The following SHANK2 variants were observed in gnomAD, a reference collection of about 807,000 sequenced individuals.
SHANK2 encodes SH3 and multiple ankyrin repeat domains protein 2.
SHANK2 carries 43 observed loss-of-function variants against 133.7 expected under a neutral mutation model. The ratio of observed to expected loss-of-function variants is 0.32; its 90% CI spans 0.25 to 0.41. The LOEUF (loss-of-function observed/expected upper bound fraction) is 0.41, where lower values mean the gene tolerates loss of function less well. SHANK2 is among the 10% of genes least tolerant of loss of function. The pLI is 1.00. For synonymous variants in SHANK2, 1,017 were observed against 952.8 expected, an observed-to-expected ratio of 1.07 and a Z score of -1.24; for missense variants, 1,994 against 2,235.8, an observed-to-expected ratio of 0.89 and a Z score of 2.18.
chr11:70,558,588 C>T (rs571198552), intron 17 of SHANK2, among the ~76,000 whole-genome samples: 4 of 152,346 alleles, frequency 2.6e-5, no homozygotes, highest in African/African-American at 9.6e-5. Flanking sequence ...GAGGCAAGAT[C>T]AGTGCTCCCC....
At chr11:70,884,250 G>A (rs1386089117) in intron 11 of SHANK2, among the ~76,000 whole-genome samples, 1 of 152,204 alleles carries the variant, frequency 6.6e-6, no homozygotes, top group South Asian at 2.1e-4. Flanking sequence ...CACGTGGTGG[G>A]CAGGGGCCAG....
chr11:70,674,617 G>A (rs1248396355), intron 15 of SHANK2, among the ~76,000 whole-genome samples: 1 of 152,236 alleles, frequency 6.6e-6, no homozygotes, highest in African/African-American at 2.4e-5. Flanking sequence ...CCAAAGTGTT[G>A]GGATTAGAGG....
chr11:70,590,230 A>C (rs534391100), intron 17 of SHANK2, among the ~76,000 whole-genome samples: 24 of 152,330 alleles, frequency 1.6e-4, no homozygotes, highest in African/African-American at 5.5e-4. Context: ...CAATCTCATG[A>C]GAAACTTGAA....
At chr11:71,249,281 T>C (rs894558785) in intron 1 of SHANK2, among the ~76,000 whole-genome samples, 11 of 152,176 alleles carry the variant, frequency 7.2e-5, no homozygotes, top group Admixed American at 1.3e-4. Context: ...TCCCCTCTCC[T>C]TCCCTTTCTT....
At chr11:71,187,623 C>T (rs181071663) in intron 2 of SHANK2, among the ~76,000 whole-genome samples, 149 of 152,194 alleles carry the variant, frequency 9.8e-4, no homozygotes, top group African/African-American at 3.4e-3. Flanking sequence ...GCCCAGGAAC[C>T]GTTCTTCATG....
chr11:70,899,717 T>A (rs1555076400), intron 10 of SHANK2, among the ~76,000 whole-genome samples: 1 of 152,246 alleles, frequency 6.6e-6, no homozygotes, highest in Non-Finnish European at 1.5e-5. Context: ...AGACATGTCC[T>A]TCTCCAGGTC....
chr11:70,947,353 ATTT>A (rs71049955), intron 10 of SHANK2, among the ~76,000 whole-genome samples: 1 of 133,092 alleles, frequency 7.5e-6, no homozygotes, highest in African/African-American at 2.8e-5. Context: ...TGACATCTAC[ATTT>A]TTTTTTTTTT....
chr11:70,886,713 ACAC>A (rs1949752011), intron 11 of SHANK2, among the ~76,000 whole-genome samples: 2 of 151,064 alleles, frequency 1.3e-5, no homozygotes, highest in Admixed American at 1.3e-4. Context: ...ACACACACAC[ACAC>A]ACACACCCCT....
At chr11:70,658,246 GACACAC>G (rs1315015158) in intron 17 of SHANK2, among the ~76,000 whole-genome samples, 2 of 121,992 alleles carry the variant, frequency 1.6e-5, no homozygotes, top group African/African-American at 3.1e-5. Context: ...CACACACACA[GACACAC>G]ACACACACAC....
At chr11:70,840,096 C>T (rs1438427507) in intron 11 of SHANK2, among the ~76,000 whole-genome samples, 2 of 152,228 alleles carry the variant, frequency 1.3e-5, no homozygotes, top group East Asian at 1.9e-4. Flanking sequence ...ATGGTGACGG[C>T]GTACAGTCTG....
chr11:70,828,882 G>A (rs1590734202), intron 11 of SHANK2, among the ~76,000 whole-genome samples: 1 of 152,234 alleles, frequency 6.6e-6, no homozygotes, highest in Non-Finnish European at 1.5e-5. Flanking sequence ...GTCACTGATC[G>A]ATTCCCTCCC....
chr11:70,550,390 C>T (rs998803285), intron 17 of SHANK2, among the ~76,000 whole-genome samples: 15 of 152,174 alleles, frequency 9.9e-5, no homozygotes, highest in African/African-American at 3.6e-4. Context: ...CTGCTGCATG[C>T]GTACCCCCAG....
At chr11:70,751,967 G>A (rs1946757426) in intron 14 of SHANK2, among the ~76,000 whole-genome samples, 1 of 152,122 alleles carries the variant, frequency 6.6e-6, no homozygotes, top group African/African-American at 2.4e-5. Context: ...AGAATAACGT[G>A]CAAAGGAAAC....
At chr11:70,492,762 T>C (rs1218716828) in intron 21 of SHANK2, among the ~76,000 whole-genome samples, 2 of 150,604 alleles carry the variant, frequency 1.3e-5, no homozygotes, top group African/African-American at 4.9e-5. Context: ...TTTTGGGACA[T>C]TTCTGTTTTT....
In SHANK2 at chr11:70,486,106, A is replaced by G; in HGVS notation, c.4187T>C (p.Leu1396Pro). 6.2e-7 allele frequency: 1 copy of G among 1,614,044 alleles called. No homozygotes were observed. Among genetic ancestry groups the G allele is most frequent in the Non-Finnish European group, 8.5e-7 (1 of 1,180,012 alleles). ...ILPFRIPPPP[L>P]ASVDLDEDFI... Reference sequence around the variant, plus strand: ...ATCCTCATCCAAGTCCACGGATGCCAGAGGGGGAGGAGGGATGCGGAATGG... The same window carrying G: ...ATCCTCATCCAAGTCCACGGATGCCGGAGGGGGAGGAGGGATGCGGAATGG... The change falls in exon 25 of 26, where the codon CTG becomes CCG. Residue 1396 changes from leucine (L) to proline (P), a missense_variant. Physicochemically the swap from Leu to Pro is moderately conservative, Grantham distance 98 (BLOSUM62 -3). This residue lies in a region of SHANK2 where 797 missense variants were observed against 907.4 expected (regional missense o/e 0.88). Coordinates refer to ENST00000601538, the MANE Select transcript of SHANK2 (RefSeq NM_012309.5). This position sits in a 1 kb window ranked among gnomAD's most constrained non-coding sequence, Gnocchi z 8.0.
At chr11:70,846,460 G>A (rs184778201) in intron 11 of SHANK2, among the ~76,000 whole-genome samples, 115 of 152,064 alleles carry the variant, frequency 7.6e-4, no homozygotes, top group African/African-American at 2.6e-3. Context: ...TGTAGAGATG[G>A]GGCCTTGCTA....
chr11:70,879,887 C>T (rs1359658531), intron 11 of SHANK2, among the ~76,000 whole-genome samples: 6 of 152,198 alleles, frequency 3.9e-5, no homozygotes, highest in Admixed American at 6.5e-5. Context: ...TCAGGGAAAG[C>T]GGAGTCCACA....
In SHANK2 at chr11:70,733,531, T is replaced by C. The variant is rs574354912; in HGVS notation, c.1778-34768A>G. ...CTGCTGCCTGCTTTTGTCAATAAAG[T>C]TTTATTGGCATGCTGCCACTCCATT... On this transcript the variant is annotated intron_variant, in intron 14 of 25. Coordinates refer to ENST00000601538, the MANE Select transcript of SHANK2 (RefSeq NM_012309.5). 8.5e-5 allele frequency among the ~76,000 whole-genome samples: 13 copies of C among 152,256 alleles called. No individual in the cohort carries two copies. The South Asian group carries it at 2.7e-3, about 32-fold the overall frequency.
chr11:70,497,774 C>T (rs1555157430), intron 21 of SHANK2, among the ~76,000 whole-genome samples: 5 of 152,228 alleles, frequency 3.3e-5, no homozygotes, highest in Non-Finnish European at 5.9e-5. Context: ...GTCACCAAAT[C>T]GAGGAGTGAC....
Sources: allele counts gnomAD v4.1 joint callset (sites outside exome capture counted in the v4.1 genomes callset), GRCh38; gene constraint gnomAD v4.1.1; regional missense constraint gnomAD v4.1.1; non-coding constraint Gnocchi (gnomAD v3.1); transcripts MANE v1.5; gene names NCBI Gene and HGNC (gene_info 2026-07-23, HGNC 2026-07-21).